Variants in SEMA4F observed in about 807,000 individuals in gnomAD.
The protein encoded by SEMA4F is ssemaphorin 4F.
Under a neutral mutation model 78.4 loss-of-function variants are expected in SEMA4F, and 51 were observed. That is an observed-to-expected ratio of 0.65 (90% CI 0.52 to 0.82). The LOEUF (loss-of-function observed/expected upper bound fraction) is 0.82. Among genes scored for constraint, SEMA4F ranks in the 40% least tolerant of loss-of-function variants. The pLI, the probability that SEMA4F is intolerant of heterozygous loss-of-function variation, is 0.00. For missense variants in SEMA4F, 938 were observed against 1,014.4 expected (o/e 0.92, Z 1.02); for synonymous variants, 418 against 408.7 (o/e 1.02, Z -0.27).
At position 74,675,472 on chromosome 2, in the gene SEMA4F, C is replaced by G. The variant is rs917971575; in HGVS notation, c.1373-53C>G. On this transcript the variant is annotated intron_variant, in intron 10 of 13. Coordinates refer to ENST00000357877, the MANE Select transcript of SEMA4F (RefSeq NM_004263.5). The stretch of plus-strand genomic sequence containing the variant: ...TACTGTAATACATATAGGTCTGAGT[C>G]CCAGGCACAGGGGCAATTATGTAAT... 11 of 1,595,334 alleles carry G rather than the reference C, an allele frequency of 6.9e-6. No homozygotes were observed. The Admixed American group carries it at 1.8e-4, about 27-fold the overall frequency.
chr2:74,699,819 C>A, the SEMA4F span, among the ~76,000 whole-genome samples: 1 of 152,122 alleles, frequency 6.6e-6, no homozygotes, highest in South Asian at 2.1e-4. Flanking sequence ...GAGGCCCAGG[C>A]ATTTGTCAGC....
At chr2:74,669,324 G>A (rs781634498) in intron 5 of SEMA4F, among the ~76,000 whole-genome samples, 5 of 151,684 alleles carry the variant, frequency 3.3e-5, no homozygotes, top group Non-Finnish European at 7.4e-5. Context: ...GGTGGCTCAC[G>A]CCTGTAATCC....
chr2:74,662,842 A>G lies in SEMA4F; in HGVS notation c.550+17A>G, dbSNP rs1279518965. On this transcript the variant is annotated intron_variant, in intron 5 of 13. Transcript: ENST00000357877. Reference sequence around the variant, plus strand: ...TAATGGCTGGTGAGTGGGGAGAGACAAGAACCTGTAACTTCTTGCTAATTG... The same window carrying G: ...TAATGGCTGGTGAGTGGGGAGAGACGAGAACCTGTAACTTCTTGCTAATTG... The G allele has an allele frequency of 1.2e-6, 2 of 1,608,656 alleles. No individual in the cohort carries two copies. The highest frequency in any genetic ancestry group is 1.7e-5 in the Admixed American group (1 of 60,020).
chr2:74,662,980 A>G (rs936627162), intron 5 of SEMA4F, among the ~76,000 whole-genome samples, 155 bp downstream of exon 5: 2 of 152,072 alleles, frequency 1.3e-5, no homozygotes, highest in African/African-American at 2.4e-5. Flanking sequence ...TGCCTGTGTA[A>G]CCACCTGCTT....
intron 8 of SEMA4F, 89 bp from the exon 9 acceptor site, chr2:74,674,799 C>T (rs570382846): frequency 9.0e-6 from 14 of 1,553,162 alleles, no homozygotes; most frequent in African/African-American, 1.4e-5. Context: ...GCTCCCTGTG[C>T]GTTTCTCGGG....
chr2:74,667,008 C>A (rs1379994946), intron 5 of SEMA4F, among the ~76,000 whole-genome samples: 7 of 152,034 alleles, frequency 4.6e-5, no homozygotes, highest in Non-Finnish European at 7.4e-5. Flanking sequence ...TGAGTGTTTT[C>A]TTCTACTGTG....
Position 74,675,375 on chromosome 2 carries a change from C to A in SEMA4F, c.1363C>A (p.Leu455Met), listed in dbSNP as rs377540549. ...LSGKEYDVLY[L>M]GTEDGHLHRA... ...AGGGAAAGAGTATGATGTGCTCTAC[C>A]TGGGGACAGGTATATTTAATGGTCA... The change falls in exon 10 of 14, where the codon CTG (leucine) becomes ATG (methionine). Residue 455 changes from leucine (L) to methionine (M), a missense_variant. By Grantham distance (15) the Leu-to-Met change is conservative (BLOSUM62 2). Coordinates refer to ENST00000357877, the MANE Select transcript of SEMA4F (RefSeq NM_004263.5). The A allele has an allele frequency of 8.7e-6, 14 of 1,613,318 alleles. No homozygotes were observed. Among genetic ancestry groups the A allele is most frequent in the African/African-American group, 1.3e-5 (1 of 74,986 alleles).
the SEMA4F span, among the ~76,000 whole-genome samples, chr2:74,695,694 A>T: frequency 6.6e-6 from 1 of 152,356 alleles, no homozygotes; most frequent in African/African-American, 2.4e-5. Flanking sequence ...GTTAAAGTGC[A>T]AATTTAAAAG....
chr2:74,657,586 G>A lies in SEMA4F; in HGVS notation c.319G>A (p.Ala107Thr), dbSNP rs1311149149. ...PRRIDWMVPE[A>T]HRQNCRKKGK... ...TCAGATTGACTGGATGGTTCCTGAG[G>A]CTCACAGACAGAACTGTAGGAAGAA... Residue 107 changes from alanine to threonine, a missense_variant, in exon 3 of 14, where the codon GCT becomes ACT. Coordinates refer to ENST00000357877, the MANE Select transcript of SEMA4F (RefSeq NM_004263.5). 2 of 1,614,140 alleles carry A rather than the reference G, an allele frequency of 1.2e-6. No homozygotes were observed. The highest frequency in any genetic ancestry group is 1.7e-6 in the Non-Finnish European group (2 of 1,180,014).
At position 74,675,862 on chromosome 2, in the gene SEMA4F, G is replaced by T. The variant is rs936104545; in HGVS notation, c.1596G>T (p.Trp532Cys). 1.9e-6 allele frequency: 3 copies of T among 1,614,090 alleles called. No individual in the cohort carries two copies. Among genetic ancestry groups the T allele is most frequent in the Non-Finnish European group, 1.7e-6 (2 of 1,180,054 alleles). ...CILAQDPVCA[W>C]SFRLDECVAH... ...TGGCCCAGGACCCAGTCTGTGCCTG[G>T]AGCTTCCGGCTGGATGAGTGTGTGG... Residue 532 changes from tryptophan to cysteine, a missense_variant, in exon 12 of 14, where the codon TGG (tryptophan) becomes TGT (cysteine). Physicochemically the swap from Trp to Cys is radical, Grantham distance 215. Coordinates refer to ENST00000357877, the MANE Select transcript of SEMA4F (RefSeq NM_004263.5).
In SEMA4F at chr2:74,656,199, G is replaced by A. The variant is rs993446917; in HGVS notation, c.146-335G>A. 6.6e-5 allele frequency among the ~76,000 whole-genome samples: 10 copies of A among 151,822 alleles called. No individual in the cohort carries two copies. The East Asian group carries it at 7.7e-4, about 12-fold the overall frequency. On this transcript the variant is annotated intron_variant, in intron 1 of 13. Transcript: ENST00000357877. Reference sequence around the variant, plus strand: ...AATTTTTTGTATTTTTAGTAGAGACGGGATTTCACCATGTTGGCCAGGCTG... The same window carrying A: ...AATTTTTTGTATTTTTAGTAGAGACAGGATTTCACCATGTTGGCCAGGCTG...
intron 5 of SEMA4F, among the ~76,000 whole-genome samples, chr2:74,667,905 T>C (rs1684777223): frequency 6.6e-6 from 1 of 152,160 alleles, no homozygotes; most frequent in Non-Finnish European, 1.5e-5. Context: ...TGCATCTGCC[T>C]CCTGGACATT....
chr2:74,668,822 G>A (rs1228618210), intron 5 of SEMA4F, among the ~76,000 whole-genome samples: 1 of 148,696 alleles, frequency 6.7e-6, no homozygotes, highest in Non-Finnish European at 1.5e-5. Flanking sequence ...CAGAGACGGG[G>A]TTTTGCCTTG....
In SEMA4F at chr2:74,654,316, C is replaced by G. The variant is rs985276961; in HGVS notation, c.-61C>G. 3 of 1,385,862 alleles carry G rather than the reference C, an allele frequency of 2.2e-6. No individual in the cohort carries two copies. Among genetic ancestry groups the G allele is most frequent in the Admixed American group, 3.5e-5 (1 of 28,872 alleles). 85.8% of individuals were successfully genotyped at this position (1,385,862 alleles called of 1,614,324 possible). Reference sequence around the variant, plus strand: ...ACCCGAGTGGGGCCGAGGCCAGTAGCCCCGGGGCCCTGAGCAGAGGCCGTA... The same window carrying G: ...ACCCGAGTGGGGCCGAGGCCAGTAGGCCCGGGGCCCTGAGCAGAGGCCGTA... On this transcript the variant is annotated 5_prime_UTR_variant, in exon 1 of 14. Transcript: ENST00000357877.
At chr2:74,667,686 A>C (rs1035445658) in intron 5 of SEMA4F, among the ~76,000 whole-genome samples, 1 of 152,232 alleles carries the variant, frequency 6.6e-6, no homozygotes, top group Non-Finnish European at 1.5e-5. Context: ...ATTTGGAAAA[A>C]TATGAATATT....
intron 5 of SEMA4F, 23 bp from the exon 6 acceptor site, chr2:74,673,434 A>T: frequency 6.2e-7 from 1 of 1,613,174 alleles, no homozygotes; most frequent in Non-Finnish European, 8.5e-7. Context: ...CTGATAGCCC[A>T]TCTCCTCCCT....
chr2:74,674,574 C>T lies in SEMA4F; in HGVS notation c.899C>T (p.Pro300Leu), dbSNP rs970237675. The T allele has an allele frequency of 2.5e-6, 4 of 1,613,992 alleles. No homozygotes were observed. The African/African-American group carries it at 4.0e-5, about 16-fold the overall frequency. ...FLKADLLCPG[P>L]EHGRASSVLQ... ...AAAGCTGACCTGCTCTGTCCAGGGCCTGAGCATGGCCGGGCCTCCAGTGTC... is the reference window on the plus strand; with the variant it reads ...AAAGCTGACCTGCTCTGTCCAGGGCTTGAGCATGGCCGGGCCTCCAGTGTC... Residue 300 changes from proline (P) to leucine (L), a missense_variant, in exon 8 of 14, where the codon CCT becomes CTT. Transcript: ENST00000357877.
the SEMA4F span, among the ~76,000 whole-genome samples, chr2:74,690,001 G>A: frequency 1.3e-5 from 2 of 152,124 alleles, no homozygotes; most frequent in Non-Finnish European, 2.9e-5. Flanking sequence ...CCTCCTTCCG[G>A]ATGAGAGTTA....
rs1275922950 is a variant in SEMA4F, at chr2:74,657,611, A to T, written c.344A>T (p.Lys115Ile). 1 of 1,614,200 alleles carries T rather than the reference A, an allele frequency of 6.2e-7. No individual in the cohort carries two copies. The highest frequency in any genetic ancestry group is 8.5e-7 in the Non-Finnish European group (1 of 1,180,010). ...GCTCACAGACAGAACTGTAGGAAGAAAGGCAAGAAAGAGGTAGGTGTAAAT... is the reference window on the plus strand; with the variant it reads ...GCTCACAGACAGAACTGTAGGAAGATAGGCAAGAAAGAGGTAGGTGTAAAT... ...PEAHRQNCRK[K>I]GKKEDECHNF... is the part of the protein sequence containing the mutation. The change falls in exon 3 of 14, where the codon AAA becomes ATA. Residue 115 changes from lysine (K) to isoleucine (I), a missense_variant. Coordinates refer to ENST00000357877, the MANE Select transcript of SEMA4F (RefSeq NM_004263.5).
Sources: allele counts gnomAD v4.1 joint callset (sites outside exome capture counted in the v4.1 genomes callset), GRCh38; gene constraint gnomAD v4.1.1; transcripts MANE v1.5; gene names NCBI Gene and HGNC (gene_info 2026-07-23, HGNC 2026-07-21).